The following PTGER3 variants were observed in gnomAD, a reference collection of about 807,000 sequenced individuals.
PTGER3 encodes the protein prostaglandin E receptor 3, also known as prostaglandin E2 receptor EP3 subtype.
A neutral mutation model predicts 34.7 loss-of-function variants in PTGER3; 22 were observed. The ratio of observed to expected loss-of-function variants is 0.63; its 90% CI spans 0.45 to 0.91. The LOEUF (loss-of-function observed/expected upper bound fraction) is 0.91, where lower values mean the gene tolerates loss of function less well. Ranked by LOEUF, PTGER3 falls within the 40% of genes least tolerant of loss-of-function variation. PTGER3 has a pLI of 0.00. For missense variants in PTGER3, 468 were observed against 519.4 expected (o/e 0.90, Z 0.96); for synonymous variants, 241 against 230.1 (o/e 1.05, Z -0.43).
At chr1:70,908,528 C>G (rs775507925) in intron 4 of PTGER3, among the ~76,000 whole-genome samples, 10 of 152,190 alleles carry the variant, frequency 6.6e-5, no homozygotes, top group Non-Finnish European at 1.3e-4. Context: ...TGATAACTGA[C>G]TCAATAATGC....
intron 4 of PTGER3, among the ~76,000 whole-genome samples, chr1:70,908,360 C>T (rs746633318): frequency 2.6e-5 from 4 of 152,172 alleles, no homozygotes; most frequent in Non-Finnish European, 1.5e-5. Context: ...TGCCACTGCT[C>T]TTAGGAGCAG....
chr1:70,910,907 C>T (rs1647046170), intron 4 of PTGER3, among the ~76,000 whole-genome samples: 1 of 151,770 alleles, frequency 6.6e-6, no homozygotes, highest in African/African-American at 2.4e-5. Flanking sequence ...ATGGTGAAAC[C>T]CCATCTCTAC....
intron 1 of PTGER3, among the ~76,000 whole-genome samples, chr1:71,033,768 A>C (rs933794503): frequency 3.3e-5 from 5 of 152,166 alleles, no homozygotes; most frequent in African/African-American, 1.2e-4. Context: ...ACATTCCTTG[A>C]GGACAAGGGT....
chr1:70,961,076 TG>T (rs3216528), intron 2 of PTGER3, among the ~76,000 whole-genome samples: 19,798 of 152,124 alleles, frequency 0.13, 1,426 homozygotes, highest in East Asian at 0.22. Context: ...GCTGCTGATC[TG>T]GGGGCAATAC....
intron 4 of PTGER3, among the ~76,000 whole-genome samples, chr1:70,905,261 G>A (rs1646920495): frequency 6.6e-6 from 1 of 152,120 alleles, no homozygotes. Flanking sequence ...ACCTTCTGCA[G>A]TGCAGAAGGG....
chr1:70,891,596 G>T (rs886928551), intron 4 of PTGER3, among the ~76,000 whole-genome samples: 1 of 152,152 alleles, frequency 6.6e-6, no homozygotes, highest in Non-Finnish European at 1.5e-5. Context: ...TGCCCCAAGG[G>T]TATGGAAATG....
intron 4 of PTGER3, among the ~76,000 whole-genome samples, chr1:70,903,945 T>C (rs1249594043): frequency 6.6e-6 from 1 of 152,212 alleles, no homozygotes; most frequent in Non-Finnish European, 1.5e-5. Flanking sequence ...TTTTGCTGTG[T>C]TCCCAGCCAA....
chr1:70,869,279 C>T (rs1013994975), intron 4 of PTGER3: 1 of 471,728 alleles, frequency 2.1e-6, no homozygotes, highest in Non-Finnish European at 4.4e-6. Context: ...GGGGACCTGC[C>T]TCCATGCATG....
intron 1 of PTGER3, among the ~76,000 whole-genome samples, chr1:71,013,659 G>C (rs1459406725): frequency 1.3e-5 from 2 of 150,476 alleles, no homozygotes; most frequent in African/African-American, 4.9e-5. Context: ...CCAGGATCAT[G>C]CCATTGCACT....
At chr1:71,042,335 A>G (rs557756077) in intron 1 of PTGER3, among the ~76,000 whole-genome samples, 5 of 151,184 alleles carry the variant, frequency 3.3e-5, no homozygotes, top group Non-Finnish European at 5.9e-5. Flanking sequence ...GGTTATGCCA[A>G]TTCATCTTCC....
At chr1:71,021,681 C>T (rs1342194905) in intron 1 of PTGER3, among the ~76,000 whole-genome samples, 2 of 151,758 alleles carry the variant, frequency 1.3e-5, no homozygotes, top group Non-Finnish European at 1.5e-5. Flanking sequence ...TTCAATTTTA[C>T]TCTCATCCAT....
chr1:70,859,709 A>C (rs1268865901), intron 4 of PTGER3, among the ~76,000 whole-genome samples: 1 of 152,214 alleles, frequency 6.6e-6, no homozygotes, highest in East Asian at 1.9e-4. Context: ...AGGAACTCGT[A>C]AGAAATGCAG....
At position 70,910,209 on chromosome 1, in the gene PTGER3, C is replaced by G. The variant is rs114665655; in HGVS notation, c.*23+43554G>C. On this transcript the variant is annotated intron_variant, in intron 4 of 4. Coordinates refer to the PTGER3 transcript ENST00000370931. ...TCTACAGTTTTACTCCAAAAGAAAA[C>G]CCCACACTCAAAATGATCTCATTGG... Among the ~76,000 whole-genome samples, 854 of 152,260 alleles carry G rather than the reference C, an allele frequency of 5.6e-3. 5 individuals are homozygous for G. The highest frequency in any genetic ancestry group is 0.015 in the South Asian group (73 of 4,820).
chr1:71,010,251 G>A, intron 2 of PTGER3: 1 of 983,420 alleles, frequency 1.0e-6, no homozygotes, highest in South Asian at 4.7e-5. Flanking sequence ...GCACTGTGTT[G>A]TACAGCAGTA....
At chr1:70,922,497 T>G (rs1647630555) in intron 4 of PTGER3, among the ~76,000 whole-genome samples, 1 of 152,142 alleles carries the variant, frequency 6.6e-6, no homozygotes, top group African/African-American at 2.4e-5. Context: ...AGGTAAGGCC[T>G]GGGACATGTG....
At chr1:70,952,604 A>G (rs772463527) in exon 4 of PTGER3, 15 of 1,031,578 alleles carry the variant, frequency 1.5e-5, no homozygotes, top group Non-Finnish European at 1.6e-5. Context: ...GATGCACTGC[A>G]TTACCAGCAT....
At chr1:70,916,085 G>T (rs960631858) in intron 4 of PTGER3, among the ~76,000 whole-genome samples, 9 of 151,768 alleles carry the variant, frequency 5.9e-5, no homozygotes, top group African/African-American at 2.2e-4. Context: ...ACCATGAACA[G>T]AACTTCTCAA....
Position 70,971,689 on chromosome 1 carries a change from G to A in PTGER3, c.*41C>T. 1 of 1,551,424 alleles carries A rather than the reference G, an allele frequency of 6.4e-7. No individual in the cohort carries two copies. The highest frequency in any genetic ancestry group is 8.7e-7 in the Non-Finnish European group (1 of 1,150,084). ...GTGGGAAGAAATATGCAAATTCAGGGAAGCAGGAATTGCAATAAAATGTCC... is the reference window on the plus strand; with the variant it reads ...GTGGGAAGAAATATGCAAATTCAGGAAAGCAGGAATTGCAATAAAATGTCC... On this transcript the variant is annotated 3_prime_UTR_variant, in exon 4 of 4. Coordinates refer to ENST00000306666, the MANE Select transcript of PTGER3 (RefSeq NM_198719.2).
At chr1:71,023,868 T>C (rs536509446) in intron 1 of PTGER3, among the ~76,000 whole-genome samples, 24 of 151,736 alleles carry the variant, frequency 1.6e-4, no homozygotes, top group Admixed American at 3.3e-4. Flanking sequence ...ACACCCCCAA[T>C]TGACCATAAA....
Sources: allele counts gnomAD v4.1 joint callset (sites outside exome capture counted in the v4.1 genomes callset), GRCh38; gene constraint gnomAD v4.1.1; transcripts MANE v1.5; gene names NCBI Gene and HGNC (gene_info 2026-07-23, HGNC 2026-07-21).